PXDNL: variants seen among roughly 807,000 people sequenced by gnomAD.
The protein encoded by PXDNL is peroxidasin like.
PXDNL carries 145 observed loss-of-function variants against 150.8 expected under a neutral mutation model. The ratio of observed to expected loss-of-function variants is 0.96; its 90% confidence interval spans 0.84 to 1.10. The LOEUF is 1.10. Among genes scored for constraint, PXDNL ranks in the 50% least tolerant of loss-of-function variants. PXDNL has a pLI of 0.00. For missense variants in PXDNL, 2,087 were observed against 1,873.9 expected (o/e 1.11, Z -2.10); for synonymous variants, 757 against 725.7 (o/e 1.04, Z -0.69).
chr8:51,738,173 A>G (rs1009676079), intron 1 of PXDNL, among the ~76,000 whole-genome samples: 2 of 152,240 alleles, frequency 1.3e-5, no homozygotes, highest in African/African-American at 4.8e-5. Context: ...AGCTTTTAAA[A>G]GCAAGTCTTA....
intron 18 of PXDNL, among the ~76,000 whole-genome samples, chr8:51,373,090 T>C (rs1461169232): frequency 6.6e-6 from 1 of 152,218 alleles, no homozygotes; most frequent in African/African-American, 2.4e-5. Context: ...TATGCCCCAG[T>C]ACCTTCGAAG....
intron 1 of PXDNL, among the ~76,000 whole-genome samples, chr8:51,800,608 C>T (rs182960607): frequency 6.6e-6 from 1 of 152,304 alleles, no homozygotes; most frequent in Non-Finnish European, 1.5e-5. Context: ...GGAGCCACGG[C>T]AGAGGAACAT....
intron 1 of PXDNL, among the ~76,000 whole-genome samples, chr8:51,709,664 A>G (rs1440305550): frequency 6.6e-6 from 1 of 152,214 alleles, no homozygotes; most frequent in African/African-American, 2.4e-5. Flanking sequence ...AATTTCTACA[A>G]AGAAATGAAG....
At chr8:51,606,517 T>G (rs1009101298) in intron 2 of PXDNL, among the ~76,000 whole-genome samples, 21 of 152,190 alleles carry the variant, frequency 1.4e-4, no homozygotes, top group Non-Finnish European at 2.5e-4. Context: ...AACTATAAAG[T>G]TCTTTAACCA....
chr8:51,635,181 C>T (rs1016480995), intron 2 of PXDNL, among the ~76,000 whole-genome samples: 8 of 151,808 alleles, frequency 5.3e-5, no homozygotes, highest in Admixed American at 2.6e-4. Context: ...TTAGGACAAA[C>T]GAAAACAAAA....
chr8:51,692,530 A>C lies in PXDNL; in HGVS notation c.165-37770T>G, dbSNP rs141119630. On this transcript the variant is annotated intron_variant, in intron 1 of 22. Coordinates refer to ENST00000356297, the MANE Select transcript of PXDNL (RefSeq NM_144651.5). ...AAACCCCTCAAACAAGTCTTTGAAA[A>C]TTTAGAAATAAATCAAAAGGTCAAA... Among the ~76,000 whole-genome samples the C allele has an allele frequency of 6.6e-4, 101 of 152,306 alleles. 1 individual carries two copies. Among genetic ancestry groups the C allele is most frequent in the African/African-American group, 2.3e-3 (94 of 41,570 alleles).
At chr8:51,386,541 G>A (rs1807718289) in intron 17 of PXDNL, among the ~76,000 whole-genome samples, 1 of 152,180 alleles carries the variant, frequency 6.6e-6, no homozygotes, top group African/African-American at 2.4e-5. Flanking sequence ...CTGATAAAGA[G>A]AGGTAGAGAT....
chr8:51,560,835 T>C (rs1443135265), intron 3 of PXDNL, among the ~76,000 whole-genome samples: 1 of 151,158 alleles, frequency 6.6e-6, no homozygotes, highest in Non-Finnish European at 1.5e-5. Context: ...GTCAGCAGAG[T>C]GAAAAGGCAA....
At chr8:51,671,291 A>G (rs1282023590) in intron 1 of PXDNL, among the ~76,000 whole-genome samples, 1 of 152,236 alleles carries the variant, frequency 6.6e-6, no homozygotes, top group Non-Finnish European at 1.5e-5. Context: ...ATATTCATGC[A>G]CAGAGAAAAA....
At chr8:51,508,072 G>A (rs1811330117) in intron 4 of PXDNL, among the ~76,000 whole-genome samples, 1 of 152,110 alleles carries the variant, frequency 6.6e-6, no homozygotes, top group South Asian at 2.1e-4. Context: ...TAGAAGCAAA[G>A]TGAGGAAGAC....
At chr8:51,337,120 T>C (rs1040343485) in intron 21 of PXDNL, among the ~76,000 whole-genome samples, 12 of 152,118 alleles carry the variant, frequency 7.9e-5, no homozygotes, top group African/African-American at 2.7e-4. Context: ...TAAATTTAGA[T>C]ATAAGTACTA....
intron 1 of PXDNL, among the ~76,000 whole-genome samples, chr8:51,782,050 G>C (rs535329280): frequency 9.9e-5 from 15 of 152,056 alleles, no homozygotes; most frequent in African/African-American, 3.4e-4. Flanking sequence ...ACAAAACACA[G>C]TAGGGTGGCT....
chr8:51,321,499 C>A (rs1229022980), intron 21 of PXDNL, among the ~76,000 whole-genome samples: 1 of 151,860 alleles, frequency 6.6e-6, no homozygotes, highest in Non-Finnish European at 1.5e-5. Context: ...ATTCCAAATG[C>A]TGGGGGAGGG....
intron 4 of PXDNL, among the ~76,000 whole-genome samples, chr8:51,524,648 T>C (rs955839031): frequency 8.5e-5 from 13 of 152,216 alleles, no homozygotes; most frequent in African/African-American, 3.1e-4. Context: ...AAAAGATTTC[T>C]ATAAAATAAG....
At chr8:51,600,305 T>C (rs1181792492) in intron 2 of PXDNL, among the ~76,000 whole-genome samples, 1 of 99,016 alleles carries the variant, frequency 1.0e-5, no homozygotes, top group Middle Eastern at 0.014. Flanking sequence ...ATAAATTATA[T>C]GGTTTAGATA....
At chr8:51,673,463 A>G (rs1339915231) in intron 1 of PXDNL, among the ~76,000 whole-genome samples, 7 of 152,196 alleles carry the variant, frequency 4.6e-5, no homozygotes, top group Non-Finnish European at 1.0e-4. Flanking sequence ...TAAAAAATAT[A>G]CTTATAGGCT....
intron 4 of PXDNL, among the ~76,000 whole-genome samples, chr8:51,511,575 T>G (rs1438764656): frequency 6.6e-6 from 1 of 152,116 alleles, no homozygotes; most frequent in African/African-American, 2.4e-5. Context: ...TACAGAGATA[T>G]GCAGGGCCTG....
intron 21 of PXDNL, among the ~76,000 whole-genome samples, chr8:51,333,338 G>A (rs533326536): frequency 6.6e-5 from 10 of 152,152 alleles, no homozygotes; most frequent in Non-Finnish European, 8.8e-5. Flanking sequence ...AAAGGAGCTC[G>A]AAATCTTGAA....
chr8:51,388,764 G>T (rs1414906001), intron 17 of PXDNL, among the ~76,000 whole-genome samples: 1 of 151,572 alleles, frequency 6.6e-6, no homozygotes, highest in African/African-American at 2.4e-5. Context: ...ATTCTCATCT[G>T]TCTGTACTAC....
Sources: gnomAD v4.1 joint callset for allele counts (sites outside exome capture counted in the v4.1 genomes callset) on GRCh38, gnomAD v4.1.1 for gene constraint, MANE v1.5 for transcripts, NCBI Gene and HGNC (gene_info 2026-07-23, HGNC 2026-07-21) for gene names.